The following PTPRJ variants were observed in gnomAD, a reference collection of about 807,000 sequenced individuals.
PTPRJ encodes protein tyrosine phosphatase receptor type J, also known as receptor-type tyrosine-protein phosphatase eta.
Under a neutral mutation model 141.3 loss-of-function variants are expected in PTPRJ, and 129 were observed. That is an observed-to-expected ratio of 0.91 (90% CI 0.79 to 1.06). PTPRJ has a LOEUF of 1.06. Among genes scored for constraint, PTPRJ ranks in the 50% least tolerant of loss-of-function variants. The pLI, the probability that PTPRJ is intolerant of heterozygous loss-of-function variation, is 0.00. For missense variants in PTPRJ, 1,601 were observed against 1,679.7 expected (o/e 0.95, Z 0.82); for synonymous variants, 610 against 640.5 (o/e 0.95, Z 0.72).
chr11:48,002,364 C>T (rs1357397628), intron 1 of PTPRJ, among the ~76,000 whole-genome samples: 1 of 152,016 alleles, frequency 6.6e-6, no homozygotes, highest in Admixed American at 6.6e-5. Flanking sequence ...TCTGGAACTC[C>T]TGACCTCAAC....
At chr11:48,084,786 A>G (rs370246440) in intron 1 of PTPRJ, among the ~76,000 whole-genome samples, 2 of 152,182 alleles carry the variant, frequency 1.3e-5, no homozygotes, top group East Asian at 3.9e-4. Flanking sequence ...ATTTAGGTAC[A>G]CTTTGCTGCT....
In PTPRJ at chr11:48,164,452, C is replaced by T. The variant is rs537257163; in HGVS notation, c.3792C>T (p.Thr1264=). ...RLIYQIENEN[T]VDVYGIVYDL... is the part of the protein sequence containing the mutation. ...TCTACCAGATAGAGAATGAGAACAC[C>T]GTGGATGTGTATGGGATTGTGTATG... The change falls in exon 24 of 25, where the codon ACC becomes ACT. Residue 1264 remains threonine (T), a synonymous_variant. Coordinates refer to ENST00000418331, the MANE Select transcript of PTPRJ (RefSeq NM_002843.4). 105 of 1,613,860 alleles carry T rather than the reference C, an allele frequency of 6.5e-5. No individual in the cohort carries two copies. In the South Asian group the frequency reaches 7.6e-4, roughly 12 times the overall value.
In PTPRJ at chr11:48,153,829, T is replaced by C; in HGVS notation, c.3172T>C (p.Tyr1058His). 3 of 1,613,878 alleles carry C rather than the reference T, an allele frequency of 1.9e-6. No individual in the cohort carries two copies. Among genetic ancestry groups the C allele is most frequent in the Non-Finnish European group, 2.5e-6 (3 of 1,179,792 alleles). Residue 1058 changes from tyrosine to histidine, a missense_variant, in exon 19 of 25, where the codon TAT becomes CAT. Tyr to His is a moderately conservative substitution (Grantham distance 83). Transcript: ENST00000418331. ...LKLVGISQPKYAAELAENRGK... is the reference protein window; with the variant it reads ...LKLVGISQPKHAAELAENRGK... The stretch of plus-strand genomic sequence containing the variant: ...GCTTGTTGGAATTAGTCAACCTAAA[T>C]ATGCAGCAGAACTGGCTGAGAATAG...
intron 1 of PTPRJ, among the ~76,000 whole-genome samples, chr11:48,055,443 C>G (rs533935965): frequency 1.3e-5 from 2 of 152,310 alleles, no homozygotes; most frequent in South Asian, 4.1e-4. Context: ...CAACCTTTTG[C>G]TTTTCATTCT....
chr11:48,143,570 AGAT>A (rs1307708621), intron 12 of PTPRJ, among the ~76,000 whole-genome samples: 3 of 152,182 alleles, frequency 2.0e-5, no homozygotes, highest in Non-Finnish European at 2.9e-5. Flanking sequence ...AAATAGAAAA[AGAT>A]TTGCATTTGC....
chr11:48,154,905 G>C (rs1047337653), intron 19 of PTPRJ, among the ~76,000 whole-genome samples: 2 of 152,050 alleles, frequency 1.3e-5, no homozygotes, highest in African/African-American at 4.8e-5. Flanking sequence ...CTGGGAAGTG[G>C]GTGTTTGGGT....
chr11:48,139,111 C>T (rs756970889), intron 10 of PTPRJ, among the ~76,000 whole-genome samples: 1 of 151,878 alleles, frequency 6.6e-6, no homozygotes, highest in Non-Finnish European at 1.5e-5. Context: ...CCAGCCTGGT[C>T]GACAGAGCGA....
At chr11:48,148,004 C>T in intron 15 of PTPRJ, among the ~76,000 whole-genome samples, 1 of 152,110 alleles carries the variant, frequency 6.6e-6, no homozygotes, top group Non-Finnish European at 1.5e-5. Flanking sequence ...GCCACCACAC[C>T]CAGCTAATTT....
At chr11:48,018,313 C>T (rs1439249574) in intron 1 of PTPRJ, among the ~76,000 whole-genome samples, 1 of 151,734 alleles carries the variant, frequency 6.6e-6, no homozygotes, top group Non-Finnish European at 1.5e-5. Context: ...TAGCACAGTG[C>T]CAAGCACAAG....
chr11:48,067,614 T>C (rs1855120427), intron 1 of PTPRJ, among the ~76,000 whole-genome samples: 1 of 152,148 alleles, frequency 6.6e-6, no homozygotes, highest in South Asian at 2.1e-4. Context: ...AAACCACTGC[T>C]CTGCACCAAG....
Position 48,136,226 on chromosome 11 carries a change from A to G in PTPRJ, c.1803A>G (p.Leu601=), listed in dbSNP as rs1373330307. 6.2e-7 allele frequency: 1 copy of G among 1,614,226 alleles called. No homozygotes were observed. The highest frequency in any genetic ancestry group is 8.5e-7 in the Non-Finnish European group (1 of 1,180,040). ...ITLQGLIPGT[L]YNITISPEVD... is the part of the protein sequence containing the mutation. ...TCCAGGGCCTGATTCCGGGCACCTT[A>G]TATAACATCACCATCTCTCCAGAAG... Residue 601 remains leucine, a synonymous_variant, in exon 9 of 25, where the codon TTA becomes TTG. Coordinates refer to ENST00000418331, the MANE Select transcript of PTPRJ (RefSeq NM_002843.4).
chr11:48,098,245 A>T (rs994226930), intron 1 of PTPRJ, among the ~76,000 whole-genome samples: 34 of 152,296 alleles, frequency 2.2e-4, no homozygotes, highest in African/African-American at 7.5e-4. Flanking sequence ...GGGGGTGCTG[A>T]ATCAGCATTT....
chr11:48,163,766 A>G, intron 23 of PTPRJ, 148 bp downstream of exon 23: 1 of 1,003,370 alleles, frequency 1.0e-6, no homozygotes, highest in Non-Finnish European at 1.4e-6. Flanking sequence ...CTTACTCCCT[A>G]AGCCCTGAGC....
chr11:48,003,636 T>C (rs1854555087), intron 1 of PTPRJ, among the ~76,000 whole-genome samples: 1 of 152,106 alleles, frequency 6.6e-6, no homozygotes, highest in Non-Finnish European at 1.5e-5. Context: ...GCTGGGATTA[T>C]AGGCACCCAC....
intron 1 of PTPRJ, among the ~76,000 whole-genome samples, chr11:48,041,636 AT>A (rs2134236722): frequency 6.6e-6 from 1 of 152,094 alleles, no homozygotes; most frequent in African/African-American, 2.4e-5. Flanking sequence ...TTTAATTAAT[AT>A]TTTTTGAGTC....
At chr11:48,118,118 C>T (rs1202370219) in intron 3 of PTPRJ, among the ~76,000 whole-genome samples, 5 of 152,260 alleles carry the variant, frequency 3.3e-5, no homozygotes, top group Non-Finnish European at 4.4e-5. Flanking sequence ...GTGACTCCCT[C>T]TGTCACCCAG....
At position 48,155,813 on chromosome 11, in the gene PTPRJ, G is replaced by T. The variant is rs770328927; in HGVS notation, c.3242G>T (p.Arg1081Leu). 1 of 1,598,972 alleles carries T rather than the reference G, an allele frequency of 6.3e-7. No individual in the cohort carries two copies. Among genetic ancestry groups the T allele is most frequent in the Middle Eastern group, 1.7e-4 (1 of 6,028 alleles). ...YNNVLPYDIS[R>L]VKLSVQTHST... ...TTTAATGTCACAGATGATATTTCCC[G>T]TGTCAAACTTTCGGTCCAGACCCAT... Residue 1081 changes from arginine (R) to leucine (L), a missense_variant, in exon 20 of 25, where the codon CGT (arginine) becomes CTT (leucine). Arg to Leu is a moderately radical substitution (Grantham distance 102). Coordinates refer to ENST00000418331, the MANE Select transcript of PTPRJ (RefSeq NM_002843.4).
At chr11:48,131,070 A>ATTTTTTTT (rs71045547) in intron 8 of PTPRJ, among the ~76,000 whole-genome samples, 1 of 46,568 alleles carries the variant, frequency 2.1e-5, no homozygotes, top group African/African-American at 6.8e-5. Flanking sequence ...ATATATATAT[A>ATTTTTTTT]TTTTTTTTTT....
At chr11:48,011,029 G>A (rs1854769980) in intron 1 of PTPRJ, among the ~76,000 whole-genome samples, 2 of 152,110 alleles carry the variant, frequency 1.3e-5, no homozygotes, top group African/African-American at 4.8e-5. Context: ...TGGGTGCACT[G>A]TTCTAGGAGG....
Sources: gnomAD v4.1 joint callset for allele counts (sites outside exome capture counted in the v4.1 genomes callset) on GRCh38, gnomAD v4.1.1 for gene constraint, MANE v1.5 for transcripts, NCBI Gene and HGNC (gene_info 2026-07-23, HGNC 2026-07-21) for gene names.